Variants in AFG2A observed in about 807,000 individuals in gnomAD.
AFG2A encodes the protein ATPase family gene 2 protein homolog A.
the AFG2A span, among the ~76,000 whole-genome samples, chr4:123,093,293 C>T: frequency 6.6e-6 from 1 of 152,058 alleles, no homozygotes; most frequent in Non-Finnish European, 1.5e-5. Flanking sequence ...TGTATTTATA[C>T]TCACTTATGC....
chr4:123,113,722 A>C, the AFG2A span, among the ~76,000 whole-genome samples: 3 of 152,226 alleles, frequency 2.0e-5, no homozygotes, highest in Middle Eastern at 3.4e-3. Flanking sequence ...CTGACCAGCA[A>C]CCTCTGTGGC....
At chr4:123,070,963 G>A in the AFG2A span, among the ~76,000 whole-genome samples, 2 of 152,146 alleles carry the variant, frequency 1.3e-5, no homozygotes, top group Non-Finnish European at 2.9e-5. Context: ...CTAGATCTGT[G>A]ATATTAGGAA....
chr4:123,212,819 AC>A, the AFG2A span, among the ~76,000 whole-genome samples: 258 of 152,254 alleles, frequency 1.7e-3, 4 homozygotes, highest in African/African-American at 6.0e-3. Flanking sequence ...ACTGTGCTTA[AC>A]CTCAGTCAAG....
At chr4:123,260,488 T>C in the AFG2A span, among the ~76,000 whole-genome samples, 4 of 152,230 alleles carry the variant, frequency 2.6e-5, no homozygotes, top group Non-Finnish European at 4.4e-5. Flanking sequence ...TTATAGCTAA[T>C]AAAAGGAGAG....
the AFG2A span, among the ~76,000 whole-genome samples, chr4:123,168,962 AT>A: frequency 6.6e-6 from 1 of 152,232 alleles, no homozygotes; most frequent in South Asian, 2.1e-4. Context: ...AGTTAAGTAC[AT>A]TCCTTAGATG....
the AFG2A span, among the ~76,000 whole-genome samples, chr4:123,025,564 T>A: frequency 4.7e-4 from 69 of 146,610 alleles, no homozygotes; most frequent in Admixed American, 2.0e-3. Flanking sequence ...TTTTTTTTTT[T>A]AAGAGGATTT....
At chr4:123,221,713 T>A in the AFG2A span, among the ~76,000 whole-genome samples, 1 of 152,024 alleles carries the variant, frequency 6.6e-6, no homozygotes, top group South Asian at 2.1e-4. Context: ...TCACCTGAAG[T>A]CAGGAGTTCG....
At chr4:123,028,389 T>A in the AFG2A span, 1 of 1,614,072 alleles carries the variant, frequency 6.2e-7, no homozygotes. Context: ...ATTTTCTAGC[T>A]ATAAAGGTAG....
chr4:123,075,967 C>T, the AFG2A span, among the ~76,000 whole-genome samples: 1 of 86,044 alleles, frequency 1.2e-5, no homozygotes, highest in Non-Finnish European at 2.5e-5. Flanking sequence ...CTAAAAACAA[C>T]AACAACAACA....
the AFG2A span, among the ~76,000 whole-genome samples, chr4:122,955,976 G>A: frequency 1.3e-5 from 2 of 152,184 alleles, no homozygotes; most frequent in Admixed American, 1.3e-4. Flanking sequence ...GCATAAGGTG[G>A]TAATGAAGAG....
the AFG2A span, among the ~76,000 whole-genome samples, chr4:123,024,227 CA>C: frequency 1.8e-3 from 219 of 123,600 alleles, no homozygotes; most frequent in Middle Eastern, 4.2e-3. Context: ...AGACTATAAG[CA>C]AAAAAAAAAA....
At chr4:123,239,081 A>C in the AFG2A span, among the ~76,000 whole-genome samples, 3 of 152,332 alleles carry the variant, frequency 2.0e-5, no homozygotes, top group Non-Finnish European at 4.4e-5. Context: ...GGAAGAAAGG[A>C]TATCAGTGAT....
chr4:123,084,943 A>T, the AFG2A span, among the ~76,000 whole-genome samples: 4,241 of 152,152 alleles, frequency 0.028, 113 homozygotes, highest in Non-Finnish European at 0.037. Flanking sequence ...AAAATATTTT[A>T]AAATTTCTCT....
the AFG2A span, among the ~76,000 whole-genome samples, chr4:123,023,760 G>GC: frequency 3.3e-5 from 5 of 152,098 alleles, no homozygotes; most frequent in African/African-American, 1.2e-4. Context: ...CAGCCTCCGA[G>GC]CCGGTTAGGC....
the AFG2A span, among the ~76,000 whole-genome samples, chr4:122,992,905 T>C: frequency 6.6e-6 from 1 of 152,012 alleles, no homozygotes; most frequent in Non-Finnish European, 1.5e-5. Flanking sequence ...ATTCCAATTT[T>C]CTTATCCAGA....
At chr4:123,225,373 G>C in the AFG2A span, among the ~76,000 whole-genome samples, 2 of 152,088 alleles carry the variant, frequency 1.3e-5, no homozygotes, top group African/African-American at 4.8e-5. Context: ...AATCCATCTT[G>C]AATTAATTTT....
At chr4:123,185,916 A>T in the AFG2A span, among the ~76,000 whole-genome samples, 1 of 152,098 alleles carries the variant, frequency 6.6e-6, no homozygotes, top group Non-Finnish European at 1.5e-5. Context: ...GAAAGAAAAT[A>T]TGCATTGTAT....
chr4:122,977,748 G>A, the AFG2A span, among the ~76,000 whole-genome samples: 1 of 152,366 alleles, frequency 6.6e-6, no homozygotes, highest in South Asian at 2.1e-4. Flanking sequence ...GACAGCTGGA[G>A]GGTGAGCAAG....
At chr4:123,217,008 A>G in the AFG2A span, among the ~76,000 whole-genome samples, 1 of 152,210 alleles carries the variant, frequency 6.6e-6, no homozygotes, top group South Asian at 2.1e-4. Flanking sequence ...ACATTATAGC[A>G]ATATTGTATA....
Sources: gnomAD v4.1 joint callset for allele counts (sites outside exome capture counted in the v4.1 genomes callset) on GRCh38, gnomAD v4.1.1 for gene constraint, MANE v1.5 for transcripts, NCBI Gene and HGNC (gene_info 2026-07-23, HGNC 2026-07-21) for gene names.